The following PDIA3 variants were observed in gnomAD, a reference collection of about 807,000 sequenced individuals.
PDIA3 encodes the protein protein disulfide-isomerase A3.
A neutral mutation model predicts 56.9 loss-of-function variants in PDIA3; 16 were observed. That is an observed-to-expected ratio of 0.28 (90% CI 0.19 to 0.43). The LOEUF (loss-of-function observed/expected upper bound fraction) is 0.43, where lower values mean the gene tolerates loss of function less well. PDIA3 is among the 20% of genes least tolerant of loss of function. The pLI is 1.00. For synonymous variants in PDIA3, 192 were observed against 216.5 expected (o/e 0.89, Z 0.99); for missense variants, 485 against 621.3 (o/e 0.78, Z 2.33).
At chr15:43,749,524 T>C (rs1279750575) in intron 1 of PDIA3, among the ~76,000 whole-genome samples, 1 of 152,228 alleles carries the variant, frequency 6.6e-6, no homozygotes, top group African/African-American at 2.4e-5. Context: ...TCTGGCCCTG[T>C]TGTGCATTCC....
At chr15:43,766,134 TAAAA>T in intron 7 of PDIA3, 122 bp downstream of exon 7, 361 of 336,552 alleles carry the variant, frequency 1.1e-3, no homozygotes, top group East Asian at 1.5e-3. Context: ...TAAGAAGAGG[TAAAA>T]AAAAAAAAAA....
chr15:43,757,978 C>G (rs1199146652), intron 3 of PDIA3, among the ~76,000 whole-genome samples: 2 of 150,556 alleles, frequency 1.3e-5, no homozygotes, highest in African/African-American at 4.9e-5. Flanking sequence ...GGCGCGGTGG[C>G]TCACGCCTGT....
At position 43,765,958 on chromosome 15, in the gene PDIA3, A is replaced by T; in HGVS notation, c.791A>T (p.Tyr264Phe). 1 of 1,613,470 alleles carries T rather than the reference A, an allele frequency of 6.2e-7. No homozygotes were observed. Among genetic ancestry groups the T allele is most frequent in the South Asian group, 1.1e-5 (1 of 91,052 alleles). ...CAGGGCAAGGACTTACTTATTGCTTACTATGATGTGGACTATGAAAAGAAC... is the reference window on the plus strand; with the variant it reads ...CAGGGCAAGGACTTACTTATTGCTTTCTATGATGTGGACTATGAAAAGAAC... ...LIQGKDLLIAYYDVDYEKNAK... is the reference protein window; with the variant it reads ...LIQGKDLLIAFYDVDYEKNAK... Residue 264 changes from tyrosine to phenylalanine, a missense_variant, in exon 7 of 13, where the codon TAC becomes TTC. Transcript: ENST00000300289.
intron 1 of PDIA3, chr15:43,752,804 T>C: frequency 2.1e-6 from 1 of 471,102 alleles, no homozygotes; most frequent in Non-Finnish European, 4.4e-6. Context: ...ACGGGAAGGT[T>C]ACAGAACTCA....
chr15:43,751,736 A>G (rs1206954773), intron 1 of PDIA3: 7 of 1,298,460 alleles, frequency 5.4e-6, no homozygotes, highest in Non-Finnish European at 7.1e-6. Flanking sequence ...GTTGCTCCCC[A>G]GATTTCTGGA....
chr15:43,766,369 A>T (rs2086847658), intron 7 of PDIA3, among the ~76,000 whole-genome samples: 1 of 152,214 alleles, frequency 6.6e-6, no homozygotes, highest in African/African-American at 2.4e-5. Flanking sequence ...TTGATATAAA[A>T]TGCACTTAAA....
chr15:43,768,206 A>C (rs1567159503), intron 8 of PDIA3, among the ~76,000 whole-genome samples: 1 of 152,190 alleles, frequency 6.6e-6, no homozygotes, highest in East Asian at 1.9e-4. Context: ...AATACTGTAA[A>C]TAGTGTGCTC....
rs746680936 is a variant in PDIA3 at position 43,746,497 on chromosome 15, C to G, written c.-43C>G. 19 of 1,501,424 alleles carry G rather than the reference C, an allele frequency of 1.3e-5. No individual in the cohort carries two copies. The East Asian group carries it at 3.7e-4, about 29-fold the overall frequency. 93.0% of individuals were successfully genotyped at this position (1,501,424 alleles called of 1,614,324 possible). ...CGCGCCCGACCTCCGCAGTCCCAGC[C>G]GAGCCGCGACCCTTCCGGCCGTCCC... On this transcript the variant is annotated 5_prime_UTR_variant, in exon 1 of 13. Transcript: ENST00000300289.
chr15:43,771,222 A>C lies in PDIA3; in HGVS notation c.*4A>C. 1 of 1,577,546 alleles carries C rather than the reference A, an allele frequency of 6.3e-7. No individual in the cohort carries two copies. Among genetic ancestry groups the C allele is most frequent in the Non-Finnish European group, 8.7e-7 (1 of 1,149,470 alleles). On this transcript the variant is annotated 3_prime_UTR_variant, in exon 13 of 13. Coordinates refer to ENST00000300289, the MANE Select transcript of PDIA3 (RefSeq NM_005313.5). Reference sequence around the variant, plus strand: ...GAAGGCACAGGAGGATCTCTAAAGCAGTAGCCAAACACCACTTTGTAAAAG... The same window carrying C: ...GAAGGCACAGGAGGATCTCTAAAGCCGTAGCCAAACACCACTTTGTAAAAG...
intron 8 of PDIA3, among the ~76,000 whole-genome samples, chr15:43,767,179 G>A (rs1226830261): frequency 6.6e-6 from 1 of 151,698 alleles, no homozygotes; most frequent in African/African-American, 2.4e-5. Flanking sequence ...GAGAAACCCC[G>A]TCTCTACTAA....
Position 43,766,835 on chromosome 15 carries a change from G to A in PDIA3, c.953G>A (p.Ser318Asn). The change falls in exon 8 of 13, where the codon AGC (serine) becomes AAC (asparagine). Residue 318 changes from serine to asparagine, a missense_variant. By Grantham distance (46) the Ser-to-Asn change is conservative. Coordinates refer to ENST00000300289, the MANE Select transcript of PDIA3 (RefSeq NM_005313.5). Reference protein sequence around the residue: ...SHELSDFGLESTAGEIPVVAI... With the variant: ...SHELSDFGLENTAGEIPVVAI... ...GAACTTTCTGATTTTGGCTTGGAGAGCACTGCTGGAGAGATTCCTGTTGTT... is the reference window on the plus strand; with the variant it reads ...GAACTTTCTGATTTTGGCTTGGAGAACACTGCTGGAGAGATTCCTGTTGTT... 1 of 1,613,494 alleles carries A rather than the reference G, an allele frequency of 6.2e-7. No homozygotes were observed. Among genetic ancestry groups the A allele is most frequent in the South Asian group, 1.1e-5 (1 of 91,072 alleles).
intron 3 of PDIA3, among the ~76,000 whole-genome samples, 177 bp from the exon 4 acceptor site, chr15:43,761,241 CAAAAAA>C (rs34237990): frequency 1.0e-5 from 1 of 95,522 alleles, no homozygotes; most frequent in African/African-American, 4.0e-5. Flanking sequence ...GACTCTGTCT[CAAAAAA>C]AAAAAAAAAA....
rs1462518619 is a variant in PDIA3 at position 43,770,532 on chromosome 15, C to T, written c.1356C>T (p.Thr452=). The part of the protein sequence containing the change: ...PSPYEVRGFP[T]IYFSPANKKL... The stretch of plus-strand genomic sequence containing the variant: ...ATGTTTCTTTCCCCAGTTTTCCTAC[C>T]ATATACTTCTCTCCAGCCAACAAGA... The change falls in exon 12 of 13, where the codon ACC becomes ACT. Residue 452 remains threonine (T), a synonymous_variant. Coordinates refer to ENST00000300289, the MANE Select transcript of PDIA3 (RefSeq NM_005313.5). 6.2e-7 allele frequency: 1 copy of T among 1,611,132 alleles called. No individual in the cohort carries two copies. Among genetic ancestry groups the T allele is most frequent in the Non-Finnish European group, 8.5e-7 (1 of 1,177,288 alleles).
At chr15:43,762,708 A>G (rs1453571568) in intron 4 of PDIA3, among the ~76,000 whole-genome samples, 1 of 152,220 alleles carries the variant, frequency 6.6e-6, no homozygotes, top group Non-Finnish European at 1.5e-5. Flanking sequence ...AGAGAAGGAA[A>G]AAAATTGGGT....
At chr15:43,767,944 G>A (rs1488176011) in intron 8 of PDIA3, among the ~76,000 whole-genome samples, 3 of 151,778 alleles carry the variant, frequency 2.0e-5, no homozygotes, top group African/African-American at 4.8e-5. Flanking sequence ...GCAAGACCCC[G>A]TCTCCAAAAA....
At chr15:43,754,263 A>C (rs1198017056) in intron 2 of PDIA3, among the ~76,000 whole-genome samples, 6 of 151,890 alleles carry the variant, frequency 4.0e-5, no homozygotes, top group African/African-American at 1.5e-4. Flanking sequence ...GTGTGATGGC[A>C]CGTGCCTGTA....
rs2086869056 is a variant in PDIA3, at chr15:43,769,588, C to T, written c.1208C>T (p.Ala403Val). 4.3e-6 allele frequency: 7 copies of T among 1,612,652 alleles called. No individual in the cohort carries two copies. Among genetic ancestry groups the T allele is most frequent in the Non-Finnish European group, 5.9e-6 (7 of 1,178,716 alleles). ...ENKDVLIEFYAPWCGHCKNLE... is the reference protein window; with the variant it reads ...ENKDVLIEFYVPWCGHCKNLE... Reference sequence around the variant, plus strand: ...AAAGATGTGCTGATTGAATTTTATGCCCCTTGGTGTGGTCACTGTAAGAAC... The same window carrying T: ...AAAGATGTGCTGATTGAATTTTATGTCCCTTGGTGTGGTCACTGTAAGAAC... Residue 403 changes from alanine to valine, a missense_variant, in exon 10 of 13, where the codon GCC becomes GTC. Ala to Val is a moderately conservative substitution (Grantham distance 64). Transcript: ENST00000300289.
At chr15:43,767,742 C>G (rs1477556961) in intron 8 of PDIA3, among the ~76,000 whole-genome samples, 2 of 143,084 alleles carry the variant, frequency 1.4e-5, no homozygotes, top group East Asian at 4.2e-4. Context: ...TGTTCTCCAG[C>G]CTGGGTGACA....
At chr15:43,753,978 T>G in intron 2 of PDIA3, 76 bp downstream of exon 2, 1 of 960,082 alleles carries the variant, frequency 1.0e-6, no homozygotes, top group Non-Finnish European at 1.7e-6. Context: ...CTTTGTTACA[T>G]GGAAAAAAAT....
Sources: allele counts gnomAD v4.1 joint callset (sites outside exome capture counted in the v4.1 genomes callset), GRCh38; gene constraint gnomAD v4.1.1; transcripts MANE v1.5; gene names NCBI Gene and HGNC (gene_info 2026-07-23, HGNC 2026-07-21).